The following HS6ST3 variants were observed in gnomAD, a reference collection of about 807,000 sequenced individuals.
The protein encoded by HS6ST3 is heparan-sulfate 6-O-sulfotransferase 3.
HS6ST3 carries 12 observed loss-of-function variants against 36.7 expected under a neutral mutation model. The observed-to-expected ratio is 0.33, with a 90% CI of 0.21 to 0.53. The LOEUF (loss-of-function observed/expected upper bound fraction) is 0.53, where lower values mean the gene tolerates loss of function less well. Ranked by LOEUF, HS6ST3 falls within the 20% of genes least tolerant of loss-of-function variation. The pLI, the probability that HS6ST3 is intolerant of heterozygous loss-of-function variation, is 0.95. For missense variants in HS6ST3, 584 were observed against 640.9 expected (o/e 0.91, Z 0.96); for synonymous variants, 240 against 257.5 (o/e 0.93, Z 0.65).
intron 1 of HS6ST3, among the ~76,000 whole-genome samples, chr13:96,539,253 T>G (rs1314017058): frequency 6.6e-6 from 1 of 152,246 alleles, no homozygotes; most frequent in African/African-American, 2.4e-5. Context: ...GTTTCACTAG[T>G]GTTCTCTGTA....
chr13:96,282,573 C>G (rs2054780992), intron 1 of HS6ST3, among the ~76,000 whole-genome samples: 1 of 152,184 alleles, frequency 6.6e-6, no homozygotes, highest in South Asian at 2.1e-4. Flanking sequence ...ATTAAACCTA[C>G]ATCTTTGGCG....
chr13:96,098,061 C>T (rs1378036648), intron 1 of HS6ST3, among the ~76,000 whole-genome samples: 2 of 152,134 alleles, frequency 1.3e-5, no homozygotes, highest in African/African-American at 4.8e-5. Flanking sequence ...ATATGGAGAC[C>T]AGAGCTTATT....
At chr13:96,391,103 C>T (rs2055393133) in intron 1 of HS6ST3, among the ~76,000 whole-genome samples, 1 of 152,210 alleles carries the variant, frequency 6.6e-6, no homozygotes, top group African/African-American at 2.4e-5. Context: ...CTTCTGATTC[C>T]TACTTTTCCT....
chr13:96,728,434 G>A (rs1876059485), intron 1 of HS6ST3, among the ~76,000 whole-genome samples: 1 of 152,128 alleles, frequency 6.6e-6, no homozygotes, highest in Non-Finnish European at 1.5e-5. Flanking sequence ...CTCTACAGTT[G>A]AGATTAAACA....
intron 1 of HS6ST3, among the ~76,000 whole-genome samples, chr13:96,126,472 G>A (rs891697540): frequency 1.1e-4 from 16 of 152,304 alleles, no homozygotes; most frequent in African/African-American, 3.9e-4. Flanking sequence ...GAAAGGCAGA[G>A]TTATTAGAGA....
chr13:96,185,011 A>G (rs932784508), intron 1 of HS6ST3, among the ~76,000 whole-genome samples: 2 of 152,212 alleles, frequency 1.3e-5, no homozygotes, highest in Admixed American at 1.3e-4. Context: ...TAATTTCTCT[A>G]AGAGTCTTAG....
At chr13:96,337,103 G>A (rs1030980222) in intron 1 of HS6ST3, among the ~76,000 whole-genome samples, 39 of 152,086 alleles carry the variant, frequency 2.6e-4, no homozygotes, top group African/African-American at 7.0e-4. Context: ...CTCTCACTCT[G>A]TTGCCCAGGC....
intron 1 of HS6ST3, among the ~76,000 whole-genome samples, chr13:96,423,462 A>T (rs1182076254): frequency 6.6e-6 from 1 of 151,878 alleles, no homozygotes; most frequent in Non-Finnish European, 1.5e-5. Context: ...GATTGGCTGG[A>T]GAGTGTGCTG....
intron 1 of HS6ST3, among the ~76,000 whole-genome samples, chr13:96,153,104 G>T (rs1308150008): frequency 6.6e-6 from 1 of 151,918 alleles, no homozygotes; most frequent in Non-Finnish European, 1.5e-5. Context: ...GAACTCCCAG[G>T]TGCACACGTA....
chr13:96,750,767 A>G (rs1876682535), intron 1 of HS6ST3, among the ~76,000 whole-genome samples: 1 of 152,186 alleles, frequency 6.6e-6, no homozygotes. Context: ...ATCAAACTGA[A>G]ATATCATTAG....
intron 1 of HS6ST3, among the ~76,000 whole-genome samples, chr13:96,145,480 G>A (rs865915543): frequency 3.9e-5 from 6 of 152,162 alleles, no homozygotes; most frequent in Admixed American, 3.3e-4. Flanking sequence ...TATATCCTTC[G>A]CCCAGTTTTT....
At chr13:96,609,164 A>C (rs547339736) in intron 1 of HS6ST3, among the ~76,000 whole-genome samples, 4 of 151,808 alleles carry the variant, frequency 2.6e-5, no homozygotes, top group South Asian at 4.2e-4. Context: ...TGGAGACGGG[A>C]CTTCACTGTG....
intron 1 of HS6ST3, among the ~76,000 whole-genome samples, chr13:96,370,109 A>G (rs1233280302): frequency 1.3e-5 from 2 of 152,148 alleles, no homozygotes; most frequent in African/African-American, 4.8e-5. Context: ...AACAAAAACA[A>G]AAGAGAATAA....
In HS6ST3 at chr13:96,408,114, A is replaced by T. The variant is rs1178443571; in HGVS notation, c.707+316545A>T. On this transcript the variant is annotated intron_variant, in intron 1 of 1. Coordinates refer to ENST00000376705, the MANE Select transcript of HS6ST3 (RefSeq NM_153456.4). ...ACCACCATGCCCAGCTAATTTTTGCATTTTTAGTAGAGATGGGGTTTCATC... is the reference window on the plus strand; with the variant it reads ...ACCACCATGCCCAGCTAATTTTTGCTTTTTTAGTAGAGATGGGGTTTCATC... 2.0e-5 allele frequency among the ~76,000 whole-genome samples: 3 copies of T among 151,990 alleles called. 1 individual carries two copies. In the South Asian group the frequency reaches 6.2e-4, roughly 32 times the overall value.
chr13:96,578,853 C>G (rs151331464), intron 1 of HS6ST3, among the ~76,000 whole-genome samples: 5 of 152,276 alleles, frequency 3.3e-5, no homozygotes, highest in African/African-American at 1.2e-4. Context: ...AGCCCAAATT[C>G]TCTGGCTTGG....
At chr13:96,724,514 C>T (rs1188364406) in intron 1 of HS6ST3, among the ~76,000 whole-genome samples, 4 of 152,142 alleles carry the variant, frequency 2.6e-5, no homozygotes, top group Non-Finnish European at 4.4e-5. Context: ...TTTGTGATTT[C>T]TTCTGTTGGC....
chr13:96,114,896 C>T (rs2053886785), intron 1 of HS6ST3, among the ~76,000 whole-genome samples: 1 of 152,226 alleles, frequency 6.6e-6, no homozygotes, highest in Non-Finnish European at 1.5e-5. Flanking sequence ...TGCAAGGACT[C>T]TACCTGTTTG....
intron 1 of HS6ST3, among the ~76,000 whole-genome samples, chr13:96,393,559 T>C (rs1310127443): frequency 2.0e-5 from 3 of 152,226 alleles, no homozygotes; most frequent in Non-Finnish European, 4.4e-5. Context: ...TTGGAGAACA[T>C]AAAAAGTTTA....
intron 1 of HS6ST3, among the ~76,000 whole-genome samples, chr13:96,378,958 G>A (rs140565265): frequency 5.6e-4 from 86 of 152,230 alleles, no homozygotes; most frequent in African/African-American, 2.0e-3. Context: ...CCTACTCCTG[G>A]TCTCTCCCCT....
Sources: allele counts gnomAD v4.1 joint callset (sites outside exome capture counted in the v4.1 genomes callset), GRCh38; gene constraint gnomAD v4.1.1; transcripts MANE v1.5; gene names NCBI Gene and HGNC (gene_info 2026-07-23, HGNC 2026-07-21).